AVEN: variants seen among roughly 807,000 people sequenced by gnomAD.
AVEN encodes apoptosis and caspase activation inhibitor, also known as cell death regulator Aven.
A neutral mutation model predicts 38.1 loss-of-function variants in AVEN; 41 were observed. The ratio of observed to expected loss-of-function variants is 1.08; its 90% CI spans 0.84 to 1.40. AVEN has a LOEUF of 1.40. Among genes scored for constraint, AVEN ranks in the 40% most tolerant of loss-of-function variants. The pLI is 0.00. For synonymous variants in AVEN, 206 were observed against 171.8 expected (o/e 1.20, Z -1.56); for missense variants, 605 against 438.8 (o/e 1.38, Z -3.38).
At position 34,003,060 on chromosome 15, in the gene AVEN, T is replaced by C; in HGVS notation, c.417A>G (p.Thr139=). Residue 139 remains threonine, a synonymous_variant, in exon 2 of 6, where the codon ACA becomes ACG. Coordinates refer to ENST00000306730, the MANE Select transcript of AVEN (RefSeq NM_020371.3). ...CAGAGCTAAGGAGGACACTGAAATC[T>C]GTTCCCCTCTGTGACTCTCCACTTT... ...NNESGESQRG[T]DFSVLLSSAG... is the part of the protein sequence containing the mutation. 4 of 1,613,990 alleles carry C rather than the reference T, an allele frequency of 2.5e-6. No individual in the cohort carries two copies. The highest frequency in any genetic ancestry group is 1.7e-4 in the Middle Eastern group (1 of 6,058).
chr15:34,039,930 A>G (rs1463800736), upstream of AVEN, among the ~76,000 whole-genome samples: 1 of 152,194 alleles, frequency 6.6e-6, no homozygotes, highest in East Asian at 1.9e-4. Flanking sequence ...CAAGGAGAAA[A>G]CAGGAAGGGG....
chr15:34,070,376 CTT>C (rs58766132), intron 2 of AVEN, among the ~76,000 whole-genome samples: 2 of 142,884 alleles, frequency 1.4e-5, no homozygotes, highest in African/African-American at 2.6e-5. Flanking sequence ...TTCTTTGTTT[CTT>C]TTTTTTTTTT....
At chr15:33,857,775 C>T, downstream of AVEN, 3 of 1,613,962 alleles carry the variant, frequency 1.9e-6, no homozygotes, top group Non-Finnish European at 2.5e-6. Context: ...TCCTCTCATT[C>T]CCAGTTGGTT....
rs1436956891 is a variant in AVEN, at chr15:34,039,190, G to C, written c.-144C>G. 1 of 672,858 alleles carries C rather than the reference G, an allele frequency of 1.5e-6. No homozygotes were observed. The highest frequency in any genetic ancestry group is 2.0e-5 in the African/African-American group (1 of 51,086). The allele number at this position is 672,858 out of a possible 1,614,324, so 41.7% of individuals were successfully genotyped here. On this transcript the variant is annotated 5_prime_UTR_variant, in exon 1 of 6. Coordinates refer to ENST00000306730, the MANE Select transcript of AVEN (RefSeq NM_020371.3). Reference sequence around the variant, plus strand: ...GGCGCGGGGTGCGGGGCTAGGGATCGAGGCCGGCCGCAGCGGAGCGGGGCG... The same window carrying C: ...GGCGCGGGGTGCGGGGCTAGGGATCCAGGCCGGCCGCAGCGGAGCGGGGCG...
Position 34,063,393 on chromosome 15 carries a change from G to T in AVEN, n.1166C>A, listed in dbSNP as rs1462405930. 1 of 1,614,030 alleles carries T rather than the reference G, an allele frequency of 6.2e-7. No individual in the cohort carries two copies. Among genetic ancestry groups the T allele is most frequent in the South Asian group, 1.1e-5 (1 of 91,088 alleles). On this transcript the variant is annotated non_coding_transcript_exon_variant, in exon 5 of 12. Coordinates refer to the AVEN transcript ENST00000675287. The surrounding 1 kb of genome is among the most constrained non-coding windows in gnomAD (Gnocchi z 4.1). ...CCGGGAAACAGAGAAGCGAACCAAG[G>T]ACCTGGCTGACCTCCAGGGTTCTGA...
chr15:34,062,629 T>G (rs1900379748), intron 5 of AVEN: 6 of 1,220,434 alleles, frequency 4.9e-6, no homozygotes, highest in South Asian at 1.4e-5. Flanking sequence ...CTAATGTGTT[T>G]CCCTCTCTTC....
intron 2 of AVEN, among the ~76,000 whole-genome samples, chr15:33,920,620 C>T (rs1893357229): frequency 6.6e-6 from 1 of 152,162 alleles, no homozygotes; most frequent in African/African-American, 2.4e-5. Flanking sequence ...AAGCAAAACA[C>T]TTTAAAAACG....
At chr15:34,062,949 A>G (rs1900396881) in exon 5 of AVEN, 2 of 1,613,306 alleles carry the variant, frequency 1.2e-6, no homozygotes, top group South Asian at 1.1e-5. Flanking sequence ...TGCAGATCTC[A>G]TCATTGGAAT....
rs117200976 is a variant in AVEN, at chr15:33,922,473, T to A, written c.446-46478A>T. ...ATTTTTGAGACAGGGTCTCACTCTG[T>A]TGCCCAAGTTGGAATGCAATGGCAT... On this transcript the variant is annotated intron_variant, in intron 2 of 5. Transcript: ENST00000306730. 2.5e-3 allele frequency among the ~76,000 whole-genome samples: 388 copies of A among 152,336 alleles called. 4 individuals are homozygous for A. Among genetic ancestry groups the A allele is most frequent in the East Asian group, 0.021 (111 of 5,182 alleles).
At chr15:34,029,158 C>T (rs1898640987) in intron 1 of AVEN, among the ~76,000 whole-genome samples, 1 of 152,114 alleles carries the variant, frequency 6.6e-6, no homozygotes, top group African/African-American at 2.4e-5. Flanking sequence ...GGACAGAAAA[C>T]AGCTGAGGCT....
chr15:33,983,233 TAC>T (rs1375764848), intron 2 of AVEN, among the ~76,000 whole-genome samples: 3 of 115,486 alleles, frequency 2.6e-5, no homozygotes, highest in Non-Finnish European at 3.9e-5. Context: ...TACACACACA[TAC>T]ACACACACAC....
chr15:33,884,551 G>A (rs752057607), intron 2 of AVEN, among the ~76,000 whole-genome samples: 2 of 152,132 alleles, frequency 1.3e-5, no homozygotes, highest in Non-Finnish European at 2.9e-5. Context: ...CATGTCTTAT[G>A]GTCAGTGGCA....
downstream of AVEN, chr15:33,861,269 T>G: frequency 1.0e-6 from 1 of 965,270 alleles, no homozygotes; most frequent in Non-Finnish European, 1.6e-6. Context: ...GGAAAAAGAG[T>G]AACCAGAAAG....
chr15:34,075,181 CAAAAAAAAAAA>C (rs58860397), upstream of AVEN, among the ~76,000 whole-genome samples: 2 of 67,294 alleles, frequency 3.0e-5, no homozygotes, highest in South Asian at 5.6e-4. Context: ...GACTCTGGCT[CAAAAAAAAAAA>C]AAAAAAAAAA....
intron 2 of AVEN, chr15:34,066,849 C>T (rs1597397802): frequency 6.6e-6 from 1 of 151,430 alleles, no homozygotes; most frequent in East Asian, 1.9e-4. Flanking sequence ...GTCAATGCTT[C>T]TTTTTTTATC....
intron 2 of AVEN, among the ~76,000 whole-genome samples, chr15:33,944,488 T>C (rs1412167222): frequency 2.6e-5 from 4 of 152,084 alleles, no homozygotes; most frequent in Non-Finnish European, 4.4e-5. Context: ...TACCTGCGTG[T>C]GGAATGGAAA....
At chr15:33,956,774 T>C (rs2140461214) in intron 2 of AVEN, among the ~76,000 whole-genome samples, 1 of 150,746 alleles carries the variant, frequency 6.6e-6, no homozygotes, top group South Asian at 2.1e-4. Context: ...TTTGTTCTAA[T>C]ATTTTTATTA....
intron 2 of AVEN, among the ~76,000 whole-genome samples, chr15:33,880,112 C>CA (rs564749130): frequency 3.3e-5 from 5 of 151,966 alleles, no homozygotes; most frequent in African/African-American, 9.7e-5. Flanking sequence ...AACAAACAAA[C>CA]AAACAAAAAA....
At chr15:33,861,859 AGGTGATCTGCCTGCCTCG>A (rs539766492), downstream of AVEN, among the ~76,000 whole-genome samples, 5 of 152,186 alleles carry the variant, frequency 3.3e-5, no homozygotes, top group South Asian at 1.0e-3. Context: ...TCCTGACCTC[AGGTGATCTGCCTGCCTCG>A]GCCTCTCAGT....
Sources: gnomAD v4.1 joint callset for allele counts (sites outside exome capture counted in the v4.1 genomes callset) on GRCh38, gnomAD v4.1.1 for gene constraint, Gnocchi (gnomAD v3.1) non-coding constraint, MANE v1.5 for transcripts, NCBI Gene and HGNC (gene_info 2026-07-23, HGNC 2026-07-21) for gene names.